KCNH7: variants seen among roughly 807,000 people sequenced by gnomAD.
The protein encoded by KCNH7 is voltage-gated inwardly rectifying potassium channel KCNH7.
A neutral mutation model predicts 120.8 loss-of-function variants in KCNH7; 49 were observed. The ratio of observed to expected loss-of-function variants is 0.41; its 90% CI spans 0.32 to 0.51. The LOEUF (loss-of-function observed/expected upper bound fraction) is 0.51, where lower values mean the gene tolerates loss of function less well. KCNH7 is among the 20% of genes least tolerant of loss of function. KCNH7 has a pLI of 0.38. For synonymous variants in KCNH7, 547 were observed against 516.1 expected, an observed-to-expected ratio of 1.06 and a Z score of -0.81; for missense variants, 1,097 against 1,446.6, an observed-to-expected ratio of 0.76 and a Z score of 3.92.
intron 1 of KCNH7, 57 bp downstream of exon 1, chr2:162,838,386 C>G (rs1313300468): frequency 1.4e-6 from 2 of 1,435,018 alleles, no homozygotes; most frequent in African/African-American, 2.8e-5. Context: ...GCGGTGGACG[C>G]CAAGTGCACT....
chr2:162,719,148 G>C lies in KCNH7; in HGVS notation c.307+117389C>G, dbSNP rs1417100126. Among the ~76,000 whole-genome samples, 5 of 151,950 alleles carry C rather than the reference G, an allele frequency of 3.3e-5. No individual in the cohort carries two copies. The East Asian group carries it at 7.7e-4, about 23-fold the overall frequency. ...CCTGGTAGTGACAATGTGTATGTAG[G>C]CCTACTCACTACAATTCCTTCCATC... On this transcript the variant is annotated intron_variant, in intron 2 of 15. Transcript: ENST00000332142.
intron 2 of KCNH7, among the ~76,000 whole-genome samples, chr2:162,670,293 G>A (rs1685298674): frequency 6.6e-6 from 1 of 151,558 alleles, no homozygotes; most frequent in South Asian, 2.1e-4. Context: ...GGCCAACAAG[G>A]CGAAACCCCA....
At chr2:162,482,400 G>T (rs1457274918) in intron 6 of KCNH7, among the ~76,000 whole-genome samples, 1 of 152,020 alleles carries the variant, frequency 6.6e-6, no homozygotes, top group Non-Finnish European at 1.5e-5. Context: ...GAGCACTTTG[G>T]GGTGAGGAGC....
intron 2 of KCNH7, among the ~76,000 whole-genome samples, chr2:162,621,634 T>A (rs1338358980): frequency 1.3e-5 from 2 of 152,180 alleles, no homozygotes; most frequent in African/African-American, 4.8e-5. Context: ...ATAAATTCAG[T>A]AAGTATATAT....
At position 162,764,952 on chromosome 2, in the gene KCNH7, T is replaced by C. The variant is rs116131733; in HGVS notation, c.307+71585A>G. On this transcript the variant is annotated intron_variant, in intron 2 of 15. Transcript: ENST00000332142. ...TTATATTTTTAAATTGTTAGACATATATAGCCATATAAACATCAGAGCTAT... is the reference window on the plus strand; with the variant it reads ...TTATATTTTTAAATTGTTAGACATACATAGCCATATAAACATCAGAGCTAT... Among the ~76,000 whole-genome samples the C allele has an allele frequency of 1.8e-3, 267 of 152,270 alleles. 3 individuals are homozygous for C. Among genetic ancestry groups the C allele is most frequent in the African/African-American group, 6.2e-3 (256 of 41,568 alleles).
At chr2:162,510,839 T>A (rs1691047902) in intron 5 of KCNH7, among the ~76,000 whole-genome samples, 1 of 151,664 alleles carries the variant, frequency 6.6e-6, no homozygotes, top group Non-Finnish European at 1.5e-5. Flanking sequence ...GGCAGACACT[T>A]AAACATTGTT....
chr2:162,614,593 T>C (rs115199781), intron 2 of KCNH7, among the ~76,000 whole-genome samples: 1,682 of 151,762 alleles, frequency 0.011, 15 homozygotes, highest in South Asian at 0.021. Flanking sequence ...TGGATAAATA[T>C]TAAAAACATA....
chr2:162,771,754 C>A (rs879667840), intron 2 of KCNH7, among the ~76,000 whole-genome samples: 3 of 151,794 alleles, frequency 2.0e-5, no homozygotes, highest in Admixed American at 1.3e-4. Context: ...TATCTGATCT[C>A]GTATTTTTAT....
intron 4 of KCNH7, among the ~76,000 whole-genome samples, chr2:162,514,939 G>A (rs959033934): frequency 2.6e-5 from 4 of 151,784 alleles, no homozygotes; most frequent in South Asian, 2.1e-4. Context: ...ACCCAACTTC[G>A]AAATCTTGTG....
chr2:162,505,094 T>C (rs1305119296), intron 5 of KCNH7, among the ~76,000 whole-genome samples: 1 of 151,962 alleles, frequency 6.6e-6, no homozygotes, highest in Non-Finnish European at 1.5e-5. Context: ...CTGCTCCAAT[T>C]TGTGTTACTC....
chr2:162,672,798 A>G (rs1490831697), intron 2 of KCNH7, among the ~76,000 whole-genome samples: 2 of 152,066 alleles, frequency 1.3e-5, no homozygotes, highest in Non-Finnish European at 2.9e-5. Flanking sequence ...ATTCTTTAAA[A>G]TAAAACAATA....
chr2:162,761,667 T>C (rs978811871), intron 2 of KCNH7, among the ~76,000 whole-genome samples: 3 of 152,106 alleles, frequency 2.0e-5, no homozygotes, highest in African/African-American at 7.2e-5. Flanking sequence ...AACTAAGTCA[T>C]AGTGCTCTTA....
At chr2:162,565,830 G>T (rs1423732513) in intron 2 of KCNH7, among the ~76,000 whole-genome samples, 1 of 151,992 alleles carries the variant, frequency 6.6e-6, no homozygotes, top group Non-Finnish European at 1.5e-5. Context: ...CTTGGTATAA[G>T]TGTGCTTGCA....
chr2:162,542,839 A>G (rs1431867002), intron 2 of KCNH7, among the ~76,000 whole-genome samples: 1 of 152,120 alleles, frequency 6.6e-6, no homozygotes, highest in Non-Finnish European at 1.5e-5. Context: ...GTCTTCCACA[A>G]TGGTTGAACT....
chr2:162,702,578 C>A (rs1686551485), intron 2 of KCNH7, among the ~76,000 whole-genome samples: 1 of 152,118 alleles, frequency 6.6e-6, no homozygotes, highest in Non-Finnish European at 1.5e-5. Flanking sequence ...AAATAGTGCA[C>A]TGTAGACGTG....
intron 2 of KCNH7, among the ~76,000 whole-genome samples, chr2:162,664,300 G>A (rs1031758254): frequency 1.9e-4 from 29 of 152,034 alleles, no homozygotes; most frequent in African/African-American, 6.5e-4. Context: ...GCCTAATCCT[G>A]GATAAAACTC....
chr2:162,570,998 C>T (rs560154977), intron 2 of KCNH7, among the ~76,000 whole-genome samples: 1 of 152,122 alleles, frequency 6.6e-6, no homozygotes, highest in Non-Finnish European at 1.5e-5. Flanking sequence ...GACAGGGATG[C>T]CCTCTCTCAT....
At chr2:162,733,440 G>C (rs1291336978) in intron 2 of KCNH7, among the ~76,000 whole-genome samples, 2 of 152,236 alleles carry the variant, frequency 1.3e-5, no homozygotes, top group African/African-American at 4.8e-5. Context: ...CTAAGCAGAA[G>C]CAGTAAGAGC....
chr2:162,375,920 A>G (rs1184459163), intron 14 of KCNH7, among the ~76,000 whole-genome samples: 3 of 152,032 alleles, frequency 2.0e-5, no homozygotes, highest in South Asian at 2.1e-4. Context: ...AAGAAAAAAA[A>G]GAGGACTCTT....
Sources: gnomAD v4.1 joint callset for allele counts (sites outside exome capture counted in the v4.1 genomes callset) on GRCh38, gnomAD v4.1.1 for gene constraint, MANE v1.5 for transcripts, NCBI Gene and HGNC (gene_info 2026-07-23, HGNC 2026-07-21) for gene names.